SMG6: variants seen among roughly 807,000 people sequenced by gnomAD.
SMG6 encodes the protein SMG6 nonsense mediated mRNA decay factor, also known as telomerase-binding protein EST1A.
SMG6 carries 66 observed loss-of-function variants against 142.2 expected under a neutral mutation model. That is an observed-to-expected ratio of 0.46 (90% confidence interval 0.38 to 0.57). SMG6 has a LOEUF of 0.57. SMG6 is among the 20% of genes least tolerant of loss of function. SMG6 has a pLI of 0.00. For missense variants in SMG6, 1,793 were observed against 1,832.0 expected, an observed-to-expected ratio of 0.98 and a Z score of 0.39; for synonymous variants, 779 against 702.4, an observed-to-expected ratio of 1.11 and a Z score of -1.72.
At chr17:2,087,110 T>C in intron 13 of SMG6, 1 of 1,290,464 alleles carries the variant, frequency 7.7e-7, no homozygotes, top group Non-Finnish European at 1.0e-6. Flanking sequence ...CAGGTGCAGG[T>C]GTTCTCTCTC....
chr17:2,130,114 G>A (rs1301201066), intron 13 of SMG6, among the ~76,000 whole-genome samples: 1 of 151,020 alleles, frequency 6.6e-6, no homozygotes, highest in Middle Eastern at 3.2e-3. Context: ...CAAAAAATTA[G>A]CTGGGCGTGG....
intron 8 of SMG6, among the ~76,000 whole-genome samples, chr17:2,249,946 A>G (rs1445623747): frequency 2.0e-5 from 3 of 152,236 alleles, no homozygotes; most frequent in East Asian, 1.9e-4. Context: ...CTGTGGGATT[A>G]TAAGTAAAAT....
intron 13 of SMG6, among the ~76,000 whole-genome samples, chr17:2,146,973 T>C (rs2070687739): frequency 2.0e-5 from 3 of 152,360 alleles, no homozygotes; most frequent in African/African-American, 7.2e-5. Context: ...GGTTTCCTTA[T>C]TTTATTGAAG....
intron 8 of SMG6, among the ~76,000 whole-genome samples, chr17:2,276,382 G>A (rs573602024): frequency 3.7e-4 from 56 of 152,102 alleles, no homozygotes; most frequent in Non-Finnish European, 7.4e-4. Context: ...TGTTACAACT[G>A]TCCAGCAAAC....
chr17:2,127,135 T>C (rs2069919932), intron 13 of SMG6, among the ~76,000 whole-genome samples: 1 of 122,030 alleles, frequency 8.2e-6, no homozygotes, highest in Non-Finnish European at 1.6e-5. Context: ...AGAGACCTTG[T>C]CTCAAAAAAA....
At chr17:2,093,416 G>A (rs976118856) in intron 13 of SMG6, among the ~76,000 whole-genome samples, 5 of 151,886 alleles carry the variant, frequency 3.3e-5, no homozygotes, top group South Asian at 2.1e-4. Context: ...GAGTGATATC[G>A]TGACTCAAAA....
Position 2,299,019 on chromosome 17 carries a change from T to A in SMG6, c.1734A>T (p.Gln578His). ...CCCGGAGAAGCCTGTGCAGCTCCTGTTGCTGCAGGTTCCTCATGTGCTGCT... is the reference window on the plus strand; with the variant it reads ...CCCGGAGAAGCCTGTGCAGCTCCTGATGCTGCAGGTTCCTCATGTGCTGCT... ...EVEQHMRNLQ[Q>H]QELHRLLRVA... Residue 578 changes from glutamine (Q) to histidine (H), a missense_variant, in exon 2 of 19, where the codon CAA becomes CAT. Gln to His is a conservative substitution (Grantham distance 24, BLOSUM62 0). Around this residue, in one of 3 missense-constraint regions of SMG6, gnomAD observed 1,597 missense variants for 1,584.6 expected, o/e 1.01. Coordinates refer to ENST00000263073, the MANE Select transcript of SMG6 (RefSeq NM_017575.5). This position sits in a 1 kb window ranked among gnomAD's most constrained non-coding sequence, Gnocchi z 4.3. The A allele has an allele frequency of 6.2e-7, 1 of 1,614,170 alleles. No homozygotes were observed.
At chr17:2,135,892 G>A (rs1216422282) in intron 13 of SMG6, among the ~76,000 whole-genome samples, 1 of 151,006 alleles carries the variant, frequency 6.6e-6, no homozygotes, top group African/African-American at 2.4e-5. Context: ...TCACTATGTT[G>A]TCCAGGCTGG....
intron 13 of SMG6, among the ~76,000 whole-genome samples, chr17:2,153,059 C>T (rs1184756673): frequency 1.3e-5 from 2 of 152,328 alleles, no homozygotes; most frequent in East Asian, 1.9e-4. Context: ...TTACGCTATG[C>T]GAAAAGAAGC....
chr17:2,065,919 G>A (rs1026802836), intron 16 of SMG6: 4 of 564,944 alleles, frequency 7.1e-6, no homozygotes, highest in Non-Finnish European at 1.3e-5. Flanking sequence ...CTCTTGGGAG[G>A]AACTTAAAGG....
chr17:2,102,361 A>AT (rs749474021), intron 13 of SMG6, among the ~76,000 whole-genome samples: 3 of 151,178 alleles, frequency 2.0e-5, no homozygotes, highest in Non-Finnish European at 3.0e-5. Flanking sequence ...TCTTAAAGGA[A>AT]TTTTTTTTTC....
chr17:2,092,875 G>C (rs1351723352), intron 13 of SMG6, among the ~76,000 whole-genome samples: 1 of 152,190 alleles, frequency 6.6e-6, no homozygotes, highest in Non-Finnish European at 1.5e-5. Flanking sequence ...CTGAGCCTTT[G>C]TTTGCTCAAG....
chr17:2,110,534 T>C (rs2069284696), intron 13 of SMG6, among the ~76,000 whole-genome samples: 1 of 152,184 alleles, frequency 6.6e-6, no homozygotes, highest in African/African-American at 2.4e-5. Flanking sequence ...GCACATTTCA[T>C]GCCAAATACT....
intron 18 of SMG6, among the ~76,000 whole-genome samples, chr17:2,063,669 C>A (rs1276186725): frequency 6.6e-6 from 1 of 152,240 alleles, no homozygotes; most frequent in Non-Finnish European, 1.5e-5. Flanking sequence ...GAAGCTCAGG[C>A]TTGCCAGCTC....
intron 13 of SMG6, among the ~76,000 whole-genome samples, chr17:2,092,291 C>T (rs144385484): frequency 5.6e-4 from 85 of 152,304 alleles, no homozygotes; most frequent in African/African-American, 2.0e-3. Flanking sequence ...CTCCGTAGTC[C>T]TATGGTTGGC....
At chr17:2,149,848 A>G (rs940585911) in intron 13 of SMG6, among the ~76,000 whole-genome samples, 2 of 152,198 alleles carry the variant, frequency 1.3e-5, no homozygotes, top group Admixed American at 1.3e-4. Flanking sequence ...CCAACATTTC[A>G]GTTCTAAGTC....
chr17:2,087,377 T>C, intron 13 of SMG6: 1 of 1,192,666 alleles, frequency 8.4e-7, no homozygotes, highest in African/African-American at 1.6e-5. Context: ...GTCAACTGTG[T>C]GCTCTGTGGC....
At chr17:2,199,180 G>C (rs1431879694) in intron 10 of SMG6, among the ~76,000 whole-genome samples, 2 of 152,100 alleles carry the variant, frequency 1.3e-5, no homozygotes, top group Non-Finnish European at 2.9e-5. Context: ...TCAAAAATAA[G>C]GTACACATCT....
At chr17:2,063,280 A>G (rs1030753750) in intron 18 of SMG6, 3 of 152,270 alleles carry the variant, frequency 2.0e-5, no homozygotes, top group African/African-American at 7.2e-5. Flanking sequence ...AGAGACTGTC[A>G]TCTTGTCAGG....
Sources: gnomAD v4.1 joint callset for allele counts (sites outside exome capture counted in the v4.1 genomes callset) on GRCh38, gnomAD v4.1.1 for gene constraint, gnomAD v4.1.1 regional missense constraint, Gnocchi (gnomAD v3.1) non-coding constraint, MANE v1.5 for transcripts, NCBI Gene and HGNC (gene_info 2026-07-23, HGNC 2026-07-21) for gene names.